TSNARE1: variants seen among roughly 807,000 people sequenced by gnomAD.
TSNARE1 encodes the protein t-SNARE domain-containing protein 1.
A neutral mutation model predicts 62.0 loss-of-function variants in TSNARE1; 49 were observed. The ratio of observed to expected loss-of-function variants is 0.79; its 90% CI spans 0.63 to 1.00. TSNARE1 has a LOEUF of 1.00. Among genes scored for constraint, TSNARE1 ranks in the 50% least tolerant of loss-of-function variants. The probability of loss-of-function intolerance (pLI) is 0.00; values close to 1 mark genes in which losing one functional copy is unlikely to be tolerated. For missense variants in TSNARE1, 755 were observed against 700.1 expected (o/e 1.08, Z -0.88); for synonymous variants, 328 against 294.4 (o/e 1.11, Z -1.17).
chr8:142,271,668 T>TG, intron 12 of TSNARE1: 1 of 1,392,884 alleles, frequency 7.2e-7, no homozygotes, highest in South Asian at 1.6e-5. Flanking sequence ...CACAAGCAGC[T>TG]GGGGGTCTCG....
At chr8:142,378,626 C>A (rs144399085) in intron 1 of TSNARE1, among the ~76,000 whole-genome samples, 2 of 152,330 alleles carry the variant, frequency 1.3e-5, no homozygotes, top group Non-Finnish European at 2.9e-5. Flanking sequence ...AGTCCCAAAG[C>A]ACCACGTGTC....
chr8:142,402,687 G>A (rs1838384592), intron 1 of TSNARE1: 1 of 152,530 alleles, frequency 6.6e-6, no homozygotes, highest in Non-Finnish European at 1.5e-5. Context: ...TTGAGCTGCA[G>A]GGCACCAACC....
intron 12 of TSNARE1, chr8:142,273,052 C>A (rs1029029670): frequency 2.9e-5 from 29 of 985,318 alleles, no homozygotes; most frequent in African/African-American, 3.5e-5. Context: ...CTGAGCCTTG[C>A]CCACCTCCTC....
chr8:142,218,504 C>CA (rs1816053976), intron 13 of TSNARE1, among the ~76,000 whole-genome samples: 1 of 152,210 alleles, frequency 6.6e-6, no homozygotes, highest in Non-Finnish European at 1.5e-5. Flanking sequence ...CAATGTCCCT[C>CA]AGACATGTCC....
intron 12 of TSNARE1, among the ~76,000 whole-genome samples, chr8:142,242,799 T>A (rs1183258881): frequency 6.6e-6 from 1 of 151,918 alleles, no homozygotes; most frequent in African/African-American, 2.4e-5. Flanking sequence ...CTGTCTCTAC[T>A]AAAAATACTA....
chr8:142,405,341 G>C (rs1434984517), upstream of TSNARE1: 1 of 152,192 alleles, frequency 6.6e-6, no homozygotes, highest in Non-Finnish European at 1.5e-5. Flanking sequence ...AGAGAAGCAG[G>C]ACTCCCTGGG....
intron 9 of TSNARE1, among the ~76,000 whole-genome samples, chr8:142,301,893 C>T (rs1044457591): frequency 1.6e-4 from 24 of 152,298 alleles, no homozygotes; most frequent in African/African-American, 5.8e-4. Flanking sequence ...AGGGCGAGCC[C>T]GTGGGGCTCT....
chr8:142,255,727 ACCACCACCACCACTG>A (rs1818443248), intron 12 of TSNARE1, among the ~76,000 whole-genome samples: 1 of 77,716 alleles, frequency 1.3e-5, no homozygotes. Context: ...CACCATCACC[ACCACCACCACCACTG>A]TCACCATCAC....
intron 12 of TSNARE1, among the ~76,000 whole-genome samples, chr8:142,257,093 T>A (rs908172134): frequency 6.6e-6 from 1 of 152,172 alleles, no homozygotes; most frequent in Admixed American, 6.5e-5. Context: ...CCAATCACCA[T>A]AGACACAGAC....
rs748699891 is a variant in TSNARE1 at position 142,344,431 on chromosome 8, T to G, written c.280A>C (p.Thr94Pro). 2 of 1,584,140 alleles carry G rather than the reference T, an allele frequency of 1.3e-6. No homozygotes were observed. Among genetic ancestry groups the G allele is most frequent in the South Asian group, 1.1e-5 (1 of 87,018 alleles). ...CTCGGGCCAATGGTGGGTGATGAGG[T>G]GGGCTCCGGCATCCGGCTGCCTTCA... is the stretch of plus-strand genomic sequence containing the variant. Reference protein sequence around the residue: ...APEGSRMPEPTSSPTIGPRKD... With the variant: ...APEGSRMPEPPSSPTIGPRKD... Residue 94 changes from threonine (T) to proline (P), a missense_variant, in exon 4 of 14, where the codon ACC becomes CCC. Physicochemically the swap from Thr to Pro is conservative, Grantham distance 38. Transcript: ENST00000524325.
chr8:142,254,664 A>T (rs1408721037), intron 12 of TSNARE1, among the ~76,000 whole-genome samples: 1 of 152,050 alleles, frequency 6.6e-6, no homozygotes, highest in Non-Finnish European at 1.5e-5. Context: ...CATATGGGGA[A>T]GGCGGGGCAT....
chr8:142,337,386 T>A (rs1297087227), intron 4 of TSNARE1, among the ~76,000 whole-genome samples: 4 of 152,214 alleles, frequency 2.6e-5, no homozygotes, highest in Non-Finnish European at 5.9e-5. Context: ...CCTACAGAAA[T>A]GCTCACAGCC....
chr8:142,366,419 TA>T (rs1157115484), intron 1 of TSNARE1, among the ~76,000 whole-genome samples: 1 of 152,136 alleles, frequency 6.6e-6, no homozygotes, highest in Non-Finnish European at 1.5e-5. Context: ...AAATACTAAA[TA>T]AAACACTAAT....
intron 1 of TSNARE1, among the ~76,000 whole-genome samples, chr8:142,371,671 G>A (rs544271046): frequency 6.1e-4 from 93 of 152,306 alleles, no homozygotes; most frequent in African/African-American, 2.1e-3. Flanking sequence ...CTGTATCGAG[G>A]TGGTGGTTCC....
intron 1 of TSNARE1, among the ~76,000 whole-genome samples, chr8:142,360,379 G>C (rs932108680): frequency 6.6e-6 from 1 of 152,170 alleles, no homozygotes; most frequent in Admixed American, 6.5e-5. Context: ...GGCCAGGGCC[G>C]CAGAAGCCAT....
At chr8:142,225,156 T>TC (rs1434375441) in intron 13 of TSNARE1, among the ~76,000 whole-genome samples, 3 of 43,484 alleles carry the variant, frequency 6.9e-5, no homozygotes, top group African/African-American at 2.6e-4. Context: ...GCCTCCCCCC[T>TC]CCCCCCAGAC....
intron 12 of TSNARE1, among the ~76,000 whole-genome samples, chr8:142,244,847 G>A (rs1007758028): frequency 4.6e-5 from 7 of 152,230 alleles, no homozygotes; most frequent in South Asian, 4.1e-4. Context: ...AGGGCAGACC[G>A]GCAAGGGGCC....
chr8:142,278,607 C>A, intron 11 of TSNARE1: 1 of 985,434 alleles, frequency 1.0e-6, no homozygotes, highest in South Asian at 4.7e-5. Context: ...GGAGGAAGCA[C>A]GGAGCCAGCA....
intron 12 of TSNARE1, chr8:142,270,367 G>A (rs904123990): frequency 1.3e-5 from 13 of 985,342 alleles, no homozygotes; most frequent in Non-Finnish European, 1.6e-5. Flanking sequence ...GTCAGCAGCC[G>A]CACTGCTGCC....
Sources: gnomAD v4.1 joint callset for allele counts (sites outside exome capture counted in the v4.1 genomes callset) on GRCh38, gnomAD v4.1.1 for gene constraint, MANE v1.5 for transcripts, NCBI Gene and HGNC (gene_info 2026-07-23, HGNC 2026-07-21) for gene names.